UTP18: variants seen among roughly 807,000 people sequenced by gnomAD.
UTP18 encodes the protein UTP18 small subunit processome component, also known as U3 small nucleolar RNA-associated protein 18 homolog.
In UTP18, 36 loss-of-function variants were observed where a neutral mutation model predicts 61.1. That is an observed-to-expected ratio of 0.59 (90% CI 0.45 to 0.78). The LOEUF (loss-of-function observed/expected upper bound fraction) is 0.78. UTP18 is among the 30% of genes least tolerant of loss of function. UTP18 has a pLI of 0.00. For synonymous variants in UTP18, 282 were observed against 251.1 expected, an observed-to-expected ratio of 1.12 and a Z score of -1.16; for missense variants, 753 against 693.9, an observed-to-expected ratio of 1.09 and a Z score of -0.96.
At position 51,260,771 on chromosome 17, in the gene UTP18, G is replaced by A; in HGVS notation, c.187G>A (p.Val63Ile). Residue 63 changes from valine to isoleucine, a missense_variant, in exon 1 of 14, where the codon GTC becomes ATC. Physicochemically the swap from Val to Ile is conservative, Grantham distance 29. Coordinates refer to ENST00000225298, the MANE Select transcript of UTP18 (RefSeq NM_016001.3). ...GAGCGCGGCGGCCGCTGCGATTGCA[G>A]TCGCGGCGGCGGAGGAAGAGAGACG... is the stretch of plus-strand genomic sequence containing the variant. ...RPSAAAAAIAVAAAEEERRLR... is the reference protein window; with the variant it reads ...RPSAAAAAIAIAAAEEERRLR... The A allele has an allele frequency of 6.3e-7, 1 of 1,580,000 alleles. No individual in the cohort carries two copies. The highest frequency in any genetic ancestry group is 8.6e-7 in the Non-Finnish European group (1 of 1,164,132).
At chr17:51,279,971 A>C (rs1362702341) in intron 7 of UTP18, 34 bp from the exon 8 acceptor site, 7 of 1,534,108 alleles carry the variant, frequency 4.6e-6, no homozygotes, top group Non-Finnish European at 6.3e-6. Context: ...AAACTATATA[A>C]AACTTTATTT....
At chr17:51,278,316 T>A (rs948069351) in intron 7 of UTP18, among the ~76,000 whole-genome samples, 1 of 152,220 alleles carries the variant, frequency 6.6e-6, no homozygotes, top group Non-Finnish European at 1.5e-5. Context: ...TGATACTGTG[T>A]GGTCCATGGA....
intron 10 of UTP18, 36 bp from the exon 11 acceptor site, chr17:51,287,993 G>C: frequency 6.8e-7 from 1 of 1,463,350 alleles, no homozygotes; most frequent in Middle Eastern, 2.0e-4. Context: ...CCTTTTACTT[G>C]GTTTTTAATC....
intron 12 of UTP18, among the ~76,000 whole-genome samples, chr17:51,294,474 T>C (rs1905310261): frequency 6.6e-6 from 1 of 151,858 alleles, no homozygotes; most frequent in African/African-American, 2.4e-5. Context: ...CTTGTGATAG[T>C]TTGCTGAGAA....
At chr17:51,261,337 C>T (rs1568261416) in intron 1 of UTP18, among the ~76,000 whole-genome samples, 3 of 152,210 alleles carry the variant, frequency 2.0e-5, no homozygotes, top group Admixed American at 2.0e-4. Context: ...TGGGCATCTC[C>T]GTTGTAACTA....
At chr17:51,274,677 C>G (rs935875277) in intron 5 of UTP18, among the ~76,000 whole-genome samples, 3 of 151,814 alleles carry the variant, frequency 2.0e-5, no homozygotes, top group Admixed American at 6.6e-5. Flanking sequence ...GTCTCGAACT[C>G]CTGACCTCAG....
In UTP18 at chr17:51,277,165, C is replaced by G; in HGVS notation, c.873C>G (p.Ile291Met). The G allele has an allele frequency of 6.2e-7, 1 of 1,614,056 alleles. No homozygotes were observed. The highest frequency in any genetic ancestry group is 2.2e-5 in the East Asian group (1 of 44,868). Residue 291 changes from isoleucine to methionine, a missense_variant, in exon 7 of 14, where the codon ATC (isoleucine) becomes ATG (methionine). Physicochemically the swap from Ile to Met is conservative, Grantham distance 10 (BLOSUM62 1). Transcript: ENST00000225298. ...DGKTNPKIQSIYLERFPIFKA... is the reference protein window; with the variant it reads ...DGKTNPKIQSMYLERFPIFKA... ...AAACAAATCCTAAAATTCAGAGCAT[C>G]TATTTGGAAAGGTTTCCAATCTTTA...
intron 11 of UTP18, among the ~76,000 whole-genome samples, chr17:51,293,132 G>T (rs539053264): frequency 5.9e-5 from 9 of 152,238 alleles, no homozygotes; most frequent in African/African-American, 2.2e-4. Flanking sequence ...TCAGATTTTA[G>T]TATTCTTTAC....
At chr17:51,270,472 T>G (rs1328955554) in intron 4 of UTP18, among the ~76,000 whole-genome samples, 1 of 152,208 alleles carries the variant, frequency 6.6e-6, no homozygotes, top group African/African-American at 2.4e-5. Flanking sequence ...CCTGTAATTT[T>G]GGGTATGGTT....
intron 11 of UTP18, among the ~76,000 whole-genome samples, chr17:51,291,999 G>T (rs1000556238): frequency 1.3e-5 from 2 of 152,072 alleles, no homozygotes; most frequent in Non-Finnish European, 2.9e-5. Context: ...TGATGCTTTG[G>T]ATCATCTGTT....
chr17:51,282,028 A>G (rs577640949), intron 9 of UTP18, among the ~76,000 whole-genome samples: 1 of 152,164 alleles, frequency 6.6e-6, no homozygotes, highest in East Asian at 1.9e-4. Context: ...CTGCTCTTCT[A>G]CCTTTCTGAC....
chr17:51,292,394 A>G (rs186863434), intron 11 of UTP18, among the ~76,000 whole-genome samples: 1 of 152,370 alleles, frequency 6.6e-6, no homozygotes, highest in African/African-American at 2.4e-5. Flanking sequence ...GCAAAGTTGA[A>G]AATAATTGAA....
chr17:51,265,227 TTATC>T (rs1186088367), intron 2 of UTP18, among the ~76,000 whole-genome samples: 1 of 152,242 alleles, frequency 6.6e-6, no homozygotes, highest in South Asian at 2.1e-4. Context: ...AGACAAATGT[TTATC>T]TATATTTTTA....
intron 11 of UTP18, among the ~76,000 whole-genome samples, chr17:51,289,737 G>A (rs1434619527): frequency 1.3e-5 from 2 of 152,186 alleles, no homozygotes; most frequent in Non-Finnish European, 2.9e-5. Context: ...CAGATTGTAC[G>A]CACTTTACAA....
Position 51,260,784 on chromosome 17 carries a change from A to T in UTP18, c.200A>T (p.Glu67Val), listed in dbSNP as rs1248014572. The T allele has an allele frequency of 3.2e-6, 5 of 1,578,528 alleles. No individual in the cohort carries two copies. In the African/African-American group the frequency reaches 6.7e-5, roughly 21 times the overall value. ...AAAAIAVAAA[E>V]EERRLRQRNR... Reference sequence around the variant, plus strand: ...GCTGCGATTGCAGTCGCGGCGGCGGAGGAAGAGAGACGGCTCCGGCAGCGG... The same window carrying T: ...GCTGCGATTGCAGTCGCGGCGGCGGTGGAAGAGAGACGGCTCCGGCAGCGG... The change falls in exon 1 of 14, where the codon GAG becomes GTG. Residue 67 changes from glutamate (E) to valine (V), a missense_variant. Transcript: ENST00000225298.
rs1015558771 is a variant in UTP18, at chr17:51,285,519, T to G, written c.1328+151T>G. The G allele has an allele frequency of 1.1e-5, 10 of 883,324 alleles. No individual in the cohort carries two copies. The Admixed American group carries it at 2.9e-4, about 26-fold the overall frequency. The allele number at this position is 883,324 out of a possible 1,614,324, so 54.7% of individuals were successfully genotyped here. A position where few individuals can be genotyped will look rare whatever the true frequency, so the allele number is the denominator to read the frequency against. On this transcript the variant is annotated intron_variant, in intron 10 of 13. Coordinates refer to ENST00000225298, the MANE Select transcript of UTP18 (RefSeq NM_016001.3). ...TCAACCCAGCTGAGCTTTTTTCATT[T>G]TATCATCTTTGTGCAGTGTTGAATA...
At chr17:51,265,077 A>G (rs931860686) in intron 2 of UTP18, among the ~76,000 whole-genome samples, 1 of 152,124 alleles carries the variant, frequency 6.6e-6, no homozygotes, top group Non-Finnish European at 1.5e-5. Flanking sequence ...GAGAATTTCA[A>G]ACCTTTATAT....
chr17:51,276,062 C>T, intron 6 of UTP18, 71 bp downstream of exon 6: 1 of 1,454,598 alleles, frequency 6.9e-7, no homozygotes, highest in South Asian at 1.3e-5. Flanking sequence ...TTTGCAACCC[C>T]AAATGCAAAA....
chr17:51,274,543 G>A (rs1051458872), intron 5 of UTP18, among the ~76,000 whole-genome samples: 2 of 152,058 alleles, frequency 1.3e-5, no homozygotes, highest in African/African-American at 4.8e-5. Context: ...CCGGGTTCAA[G>A]CAATTCTCCT....
Sources: gnomAD v4.1 joint callset for allele counts (sites outside exome capture counted in the v4.1 genomes callset) on GRCh38, gnomAD v4.1.1 for gene constraint, MANE v1.5 for transcripts, NCBI Gene and HGNC (gene_info 2026-07-23, HGNC 2026-07-21) for gene names.